CASK: variants seen among roughly 807,000 people sequenced by gnomAD.
CASK encodes the protein peripheral plasma membrane protein CASK.
In CASK, 4 loss-of-function variants were observed where a neutral mutation model predicts 82.9. The ratio of observed to expected loss-of-function variants is 0.05; its 90% CI spans 0.02 to 0.11. The LOEUF is 0.11. Among genes scored for constraint, CASK ranks in the 10% least tolerant of loss-of-function variants. The pLI, the probability that CASK is intolerant of heterozygous loss-of-function variation, is 1.00. For synonymous variants in CASK, 259 were observed against 253.5 expected (o/e 1.02, Z -0.20); for missense variants, 358 against 720.9 (o/e 0.50, Z 5.76).
chrX:41,784,798 C>A (rs1027836489), intron 3 of CASK, among the ~76,000 whole-genome samples: 86 of 109,724 alleles, frequency 7.8e-4, no homozygotes, highest in Non-Finnish European at 1.3e-3. Context: ...ATTGCTTGAA[C>A]CCAGGGGGCG....
intron 8 of CASK, among the ~76,000 whole-genome samples, chrX:41,643,273 A>G (rs745440346): frequency 1.8e-5 from 2 of 111,887 alleles, no homozygotes; most frequent in Non-Finnish European, 3.8e-5. Flanking sequence ...TTTTGGGTCC[A>G]TGTGAACTTT....
At position 41,523,879 on chromosome X, in the gene CASK, C is replaced by T. The variant is rs374278904; in HGVS notation, c.2604+72G>A. On this transcript the variant is annotated intron_variant, in intron 26 of 26. Transcript: ENST00000378163. ...GCCTTGCTGCAAATGTAGACTGACA[C>T]GCTTCTGACTGTGCTGGGGAGTAAG... is the stretch of plus-strand genomic sequence containing the variant. 449 of 768,937 alleles carry T rather than the reference C, an allele frequency of 5.8e-4. 2 individuals are homozygous for T. Among genetic ancestry groups the T allele is most frequent in the Middle Eastern group, 5.1e-3 (18 of 3,536 alleles). 63.4% of individuals were successfully genotyped at this position (768,937 alleles called of 1,213,427 possible).
intron 5 of CASK, among the ~76,000 whole-genome samples, chrX:41,674,540 G>C (rs1246165597): frequency 9.0e-6 from 1 of 111,172 alleles, no homozygotes; most frequent in East Asian, 2.8e-4. Context: ...ATTTTAAATG[G>C]AACATATTAC....
intron 5 of CASK, among the ~76,000 whole-genome samples, chrX:41,690,513 A>T (rs1602470515): frequency 5.5e-5 from 5 of 91,637 alleles, no homozygotes; most frequent in Admixed American, 3.6e-4. Flanking sequence ...CGCCCTGCTA[A>T]TTTTTTTTTT....
At chrX:41,868,801 G>A (rs774448468) in intron 1 of CASK, among the ~76,000 whole-genome samples, 26 of 111,364 alleles carry the variant, frequency 2.3e-4, no homozygotes, top group African/African-American at 7.2e-4. Flanking sequence ...TGTGTCTGGC[G>A]CATACGAACA....
At chrX:41,800,572 T>C (rs2069973482) in intron 2 of CASK, among the ~76,000 whole-genome samples, 1 of 110,086 alleles carries the variant, frequency 9.1e-6, no homozygotes, top group South Asian at 4.0e-4. Context: ...TACATATGTA[T>C]ACATGTGCCA....
Position 41,860,077 on chromosome X carries a change from G to A in CASK, c.60-6850C>T, listed in dbSNP as rs1383325650. ...ATTCATATTAAAATATAAACTTAAT[G>A]AGTACCCAGTACACATTAGGCCCTC... On this transcript the variant is annotated intron_variant, in intron 1 of 26. Coordinates refer to ENST00000378163, the MANE Select transcript of CASK (RefSeq NM_001367721.1). Among the ~76,000 whole-genome samples, 8 of 110,757 alleles carry A rather than the reference G, an allele frequency of 7.2e-5. No homozygotes were observed. The Admixed American group carries it at 7.7e-4, about 11-fold the overall frequency.
At chrX:41,829,701 ATATATATATATATATATATATATATAT>A (rs1231374166) in intron 2 of CASK, among the ~76,000 whole-genome samples, 37 of 2,000 alleles carry the variant, frequency 0.018, no homozygotes, top group African/African-American at 0.12. Flanking sequence ...CACAAGATAT[ATATATATATATATATATATATATATAT>A]ATATATATAT....
chrX:41,542,119 T>C (rs7890618), intron 22 of CASK, among the ~76,000 whole-genome samples: 2,478 of 112,511 alleles, frequency 0.022, 47 homozygotes, highest in African/African-American at 0.056. Context: ...AAGGCCAAGA[T>C]AAGATTCTTG....
intron 3 of CASK, among the ~76,000 whole-genome samples, chrX:41,784,946 G>A (rs769271498): frequency 9.6e-6 from 1 of 104,093 alleles, no homozygotes; most frequent in African/African-American, 3.5e-5. Flanking sequence ...CACAATAAAA[G>A]TTTTTATATA....
chrX:41,633,442 C>T (rs62587035), intron 9 of CASK, among the ~76,000 whole-genome samples: 12,620 of 110,103 alleles, frequency 0.11, 707 homozygotes, highest in Middle Eastern at 0.18. Context: ...CCTCAAAAGC[C>T]CCAGACCACA....
chrX:41,732,664 T>C (rs1470087701), intron 5 of CASK, among the ~76,000 whole-genome samples: 1 of 111,494 alleles, frequency 9.0e-6, no homozygotes, highest in East Asian at 2.8e-4. Context: ...CCTCTGGCTA[T>C]ATCACACACG....
At chrX:41,567,223 C>A (rs1486482735) in intron 16 of CASK, among the ~76,000 whole-genome samples, 1 of 111,841 alleles carries the variant, frequency 8.9e-6, no homozygotes, top group Admixed American at 9.5e-5. Context: ...GCAACAAAAG[C>A]CAAAATAGAC....
At chrX:41,640,531 G>A (rs1441141217) in intron 8 of CASK, among the ~76,000 whole-genome samples, 1 of 111,278 alleles carries the variant, frequency 9.0e-6, no homozygotes, top group South Asian at 3.8e-4. Flanking sequence ...GTCAACAATT[G>A]GTATGGTCAG....
At chrX:41,768,016 A>G (rs1328901859) in intron 3 of CASK, among the ~76,000 whole-genome samples, 1 of 111,186 alleles carries the variant, frequency 9.0e-6, no homozygotes, top group Non-Finnish European at 1.9e-5. Flanking sequence ...TTCTCTCTCA[A>G]TTGTTTATCT....
intron 12 of CASK, among the ~76,000 whole-genome samples, chrX:41,591,686 A>G (rs991244347): frequency 2.7e-5 from 3 of 110,344 alleles, no homozygotes; most frequent in African/African-American, 9.9e-5. Flanking sequence ...CATGTTGGCC[A>G]GGCTGGTCTC....
intron 16 of CASK, among the ~76,000 whole-genome samples, chrX:41,564,654 T>C (rs185892629): frequency 8.9e-6 from 1 of 112,259 alleles, no homozygotes; most frequent in Admixed American, 9.5e-5. Context: ...TGTTTCCTGC[T>C]GTCAATATTA....
At chrX:41,570,722 AC>A (rs1389338235) in intron 15 of CASK, among the ~76,000 whole-genome samples, 2 of 111,735 alleles carry the variant, frequency 1.8e-5, no homozygotes, top group South Asian at 3.7e-4. Flanking sequence ...TGTTTTTTTC[AC>A]TCAGCATAAT....
In CASK at chrX:41,531,087, C is replaced by T; in HGVS notation, c.2440G>A (p.Ala814Thr). The T allele has an allele frequency of 8.3e-7, 1 of 1,211,406 alleles. No homozygotes were observed. Among genetic ancestry groups the T allele is most frequent in the Non-Finnish European group, 1.1e-6 (1 of 894,967 alleles). Reference protein sequence around the residue: ...EYLEYGSHEDAMYGTKLETIR... With the variant: ...EYLEYGSHEDTMYGTKLETIR... ...GTCTCCAGTTTTGTCCCATACATCG[C>T]ATCCTCGTGGCTGCCGTACTCCAAG... The change falls in exon 25 of 27, where the codon GCG becomes ACG. Residue 814 changes from alanine to threonine, a missense_variant. Transcript: ENST00000378163.
Sources: allele counts gnomAD v4.1 joint callset (sites outside exome capture counted in the v4.1 genomes callset), GRCh38; gene constraint gnomAD v4.1.1; transcripts MANE v1.5; gene names NCBI Gene and HGNC (gene_info 2026-07-23, HGNC 2026-07-21).